CIMAP2: variants seen among roughly 807,000 people sequenced by gnomAD.
The protein encoded by CIMAP2 is ciliary microtubule associated protein 2.
the CIMAP2 span, among the ~76,000 whole-genome samples, chr1:54,835,826 TTCTC>T: frequency 1.3e-5 from 2 of 151,712 alleles, no homozygotes; most frequent in Non-Finnish European, 2.9e-5. Flanking sequence ...GGCCCAGGAC[TTCTC>T]TCTCTCTGTC....
the CIMAP2 span, among the ~76,000 whole-genome samples, chr1:54,836,355 C>T: frequency 3.6e-4 from 54 of 149,574 alleles, 3 homozygotes; most frequent in African/African-American, 1.1e-3. Context: ...TTTCCTTATT[C>T]CTCTCTGTAT....
At chr1:54,821,113 T>TAAGGA in the CIMAP2 span, among the ~76,000 whole-genome samples, 1 of 152,208 alleles carries the variant, frequency 6.6e-6, no homozygotes, top group Non-Finnish European at 1.5e-5. Flanking sequence ...GTTGAGTTCC[T>TAAGGA]TGAATATTCT....
chr1:54,822,193 C>T, the CIMAP2 span, among the ~76,000 whole-genome samples: 206 of 98,326 alleles, frequency 2.1e-3, 37 homozygotes, highest in African/African-American at 6.9e-3. Context: ...CCACCGCGCC[C>T]GGCCTTATTT....
the CIMAP2 span, among the ~76,000 whole-genome samples, chr1:54,817,358 T>G: frequency 1.3e-5 from 2 of 152,198 alleles, no homozygotes; most frequent in South Asian, 4.1e-4. Flanking sequence ...TTCCTTCAGC[T>G]GTCAAAAGAG....
chr1:54,835,072 G>A, the CIMAP2 span, among the ~76,000 whole-genome samples: 1 of 152,186 alleles, frequency 6.6e-6, no homozygotes, highest in East Asian at 1.9e-4. Context: ...AAGCTAAAAG[G>A]CATATTCTTT....
At chr1:54,811,779 A>G in the CIMAP2 span, 26 of 291,254 alleles carry the variant, frequency 8.9e-5, no homozygotes, top group East Asian at 7.2e-4. Context: ...CCATGCCCCC[A>G]CCCCCGCCCC....
At chr1:54,823,052 G>A in the CIMAP2 span, among the ~76,000 whole-genome samples, 1 of 152,176 alleles carries the variant, frequency 6.6e-6, no homozygotes, top group Non-Finnish European at 1.5e-5. Context: ...TTCTGTAGCT[G>A]TTGGACGAAA....
the CIMAP2 span, chr1:54,814,102 C>T: frequency 8.3e-7 from 1 of 1,208,478 alleles, no homozygotes; most frequent in Middle Eastern, 2.9e-4. Context: ...GACTTGGTTT[C>T]CAATCCTGGT....
At chr1:54,836,259 G>A in the CIMAP2 span, among the ~76,000 whole-genome samples, 2 of 146,826 alleles carry the variant, frequency 1.4e-5, no homozygotes, top group South Asian at 2.2e-4. Flanking sequence ...CTCCCCCTTC[G>A]CCCTCCCGCC....
the CIMAP2 span, chr1:54,807,048 G>A: frequency 6.2e-7 from 1 of 1,614,156 alleles, no homozygotes; most frequent in Non-Finnish European, 8.5e-7. Flanking sequence ...CACCTTCACT[G>A]AGGCCCCATA....
the CIMAP2 span, among the ~76,000 whole-genome samples, chr1:54,810,645 C>G: frequency 6.6e-6 from 1 of 152,212 alleles, no homozygotes. Context: ...TATGGAGCAG[C>G]AGTGACCCCG....
At chr1:54,811,765 G>GCCGGGGGGGGGGGGGGGGGCGCC in the CIMAP2 span, 1 of 1,301,332 alleles carries the variant, frequency 7.7e-7, no homozygotes, top group Non-Finnish European at 1.1e-6. Flanking sequence ...GGTTCTGACA[G>GCCGGGGGGGGGGGGGGGGGCGCC]CCTCCATGCC....
the CIMAP2 span, chr1:54,811,774 C>CCCCCCCCCCCCCCCCCCCCCCCCCCACA: frequency 2.1e-6 from 1 of 476,592 alleles, no homozygotes; most frequent in Non-Finnish European, 4.1e-6. Flanking sequence ...AGCCTCCATG[C>CCCCCCCCCCCCCCCCCCCCCCCCCCACA]CCCCACCCCC....
the CIMAP2 span, chr1:54,811,767 C>G: frequency 2.8e-6 from 3 of 1,088,166 alleles, no homozygotes; most frequent in South Asian, 1.2e-5. Context: ...TTCTGACAGC[C>G]TCCATGCCCC....
the CIMAP2 span, among the ~76,000 whole-genome samples, chr1:54,825,579 G>C: frequency 6.6e-6 from 1 of 152,170 alleles, no homozygotes; most frequent in East Asian, 1.9e-4. Flanking sequence ...TCAGGGACCA[G>C]TGGTGGCACA....
the CIMAP2 span, among the ~76,000 whole-genome samples, chr1:54,841,455 C>G: frequency 6.6e-6 from 1 of 152,152 alleles, no homozygotes; most frequent in Non-Finnish European, 1.5e-5. Flanking sequence ...TTCAGGTGAC[C>G]TCAGGTAAGT....
chr1:54,829,001 C>T, the CIMAP2 span, among the ~76,000 whole-genome samples: 1 of 152,128 alleles, frequency 6.6e-6, no homozygotes, highest in South Asian at 2.1e-4. Context: ...ATAATGATCC[C>T]ACTTTAAAAT....
the CIMAP2 span, chr1:54,811,767 C>CGGGGGGGGGGGGGGGGGGGG: frequency 3.7e-6 from 4 of 1,088,166 alleles, no homozygotes; most frequent in Non-Finnish European, 5.4e-6. Context: ...TTCTGACAGC[C>CGGGGGGGGGGGGGGGGGGGG]TCCATGCCCC....
the CIMAP2 span, among the ~76,000 whole-genome samples, chr1:54,831,516 G>T: frequency 1.3e-5 from 2 of 152,050 alleles, no homozygotes; most frequent in African/African-American, 4.8e-5. Context: ...AGCCAGGTGT[G>T]GTGGCACACA....
Sources: gnomAD v4.1 joint callset for allele counts (sites outside exome capture counted in the v4.1 genomes callset) on GRCh38, gnomAD v4.1.1 for gene constraint, MANE v1.5 for transcripts, NCBI Gene and HGNC (gene_info 2026-07-23, HGNC 2026-07-21) for gene names.